The following PKNOX2 variants were observed in gnomAD, a reference collection of about 807,000 sequenced individuals.
PKNOX2 encodes PBX/knotted 1 homeobox 2.
PKNOX2 carries 14 observed loss-of-function variants against 53.1 expected under a neutral mutation model. That is an observed-to-expected ratio of 0.26 (90% CI 0.17 to 0.41). The LOEUF (loss-of-function observed/expected upper bound fraction) is 0.41, where lower values mean the gene tolerates loss of function less well. Ranked by LOEUF, PKNOX2 falls within the 10% of genes least tolerant of loss-of-function variation. The pLI is 1.00. For missense variants in PKNOX2, 496 were observed against 602.8 expected (o/e 0.82, Z 1.85); for synonymous variants, 257 against 242.8 (o/e 1.06, Z -0.54).
chr11:125,328,472 T>C (rs903103734), intron 2 of PKNOX2, among the ~76,000 whole-genome samples: 2 of 151,934 alleles, frequency 1.3e-5, no homozygotes, highest in African/African-American at 2.4e-5. Context: ...AGATTCTTAA[T>C]ATATGGGGAC....
At chr11:125,317,779 G>C (rs1949290597) in intron 2 of PKNOX2, among the ~76,000 whole-genome samples, 1 of 152,142 alleles carries the variant, frequency 6.6e-6, no homozygotes, top group African/African-American at 2.4e-5. Flanking sequence ...ATGAGCCCTG[G>C]CTTCAACCTA....
At chr11:125,292,025 G>A (rs1947337685) in intron 2 of PKNOX2, among the ~76,000 whole-genome samples, 1 of 152,138 alleles carries the variant, frequency 6.6e-6, no homozygotes, top group African/African-American at 2.4e-5. Context: ...TATAACTATG[G>A]CACTGAATTG....
intron 10 of PKNOX2, 35 bp downstream of exon 10, chr11:125,411,900 G>T: frequency 6.2e-7 from 1 of 1,613,106 alleles, no homozygotes; most frequent in Admixed American, 1.7e-5. Context: ...TGGAGTCCCG[G>T]CATGGGGTAT....
intron 1 of PKNOX2, among the ~76,000 whole-genome samples, chr11:125,208,717 G>T (rs995188260): frequency 2.0e-5 from 3 of 152,018 alleles, no homozygotes; most frequent in Non-Finnish European, 4.4e-5. Flanking sequence ...ATGGTCATGA[G>T]GGATAAATCA....
intron 1 of PKNOX2, among the ~76,000 whole-genome samples, chr11:125,198,988 C>T (rs1424693772): frequency 1.3e-5 from 2 of 151,878 alleles, no homozygotes. Flanking sequence ...TTACAGATAC[C>T]CACTACTATG....
At chr11:125,281,748 T>G (rs957885509) in intron 2 of PKNOX2, among the ~76,000 whole-genome samples, 3 of 152,184 alleles carry the variant, frequency 2.0e-5, no homozygotes, top group Non-Finnish European at 4.4e-5. Context: ...CCACAGAGCT[T>G]AAAGAAGGAA....
intron 10 of PKNOX2, among the ~76,000 whole-genome samples, chr11:125,427,172 G>A (rs554267449): frequency 7.2e-5 from 11 of 152,354 alleles, no homozygotes; most frequent in Admixed American, 2.0e-4. Flanking sequence ...AGGTGTCAGA[G>A]CTCCCAGAGT....
chr11:125,296,589 C>G (rs1406527163), intron 2 of PKNOX2, among the ~76,000 whole-genome samples: 1 of 152,180 alleles, frequency 6.6e-6, no homozygotes, highest in Non-Finnish European at 1.5e-5. Context: ...TTATTTTTCT[C>G]CATGCGTCTC....
intron 6 of PKNOX2, among the ~76,000 whole-genome samples, chr11:125,388,973 T>C (rs2135401368): frequency 6.6e-6 from 1 of 152,250 alleles, no homozygotes; most frequent in East Asian, 1.9e-4. Context: ...GGCGGGCAGA[T>C]CACATGAGGC....
intron 7 of PKNOX2, among the ~76,000 whole-genome samples, chr11:125,404,147 T>C (rs1181699469): frequency 1.3e-5 from 2 of 152,146 alleles, no homozygotes; most frequent in Admixed American, 6.5e-5. Context: ...GAAAGATCAC[T>C]ACTTAGATGG....
At chr11:125,204,486 C>T (rs2135416760) in intron 1 of PKNOX2, among the ~76,000 whole-genome samples, 1 of 152,256 alleles carries the variant, frequency 6.6e-6, no homozygotes, top group South Asian at 2.1e-4. Context: ...AGTAAAAAGT[C>T]ATCGATGGCC....
intron 1 of PKNOX2, among the ~76,000 whole-genome samples, chr11:125,216,439 G>A (rs1487316929): frequency 6.6e-6 from 1 of 152,218 alleles, no homozygotes; most frequent in Non-Finnish European, 1.5e-5. Context: ...CCTGGTAGGG[G>A]GGTGAGTCCC....
intron 2 of PKNOX2, among the ~76,000 whole-genome samples, chr11:125,243,623 CTTT>C (rs1284507032): frequency 1.3e-4 from 18 of 138,372 alleles, no homozygotes; most frequent in African/African-American, 1.3e-4. Flanking sequence ...CTGGGACTTT[CTTT>C]TTTTTTTTTT....
At chr11:125,219,573 C>G (rs1250703702) in intron 1 of PKNOX2, among the ~76,000 whole-genome samples, 1 of 152,022 alleles carries the variant, frequency 6.6e-6, no homozygotes, top group Non-Finnish European at 1.5e-5. Flanking sequence ...AAAAACACAA[C>G]CCAGTAGAAA....
intron 2 of PKNOX2, among the ~76,000 whole-genome samples, chr11:125,277,313 A>G (rs1946237192): frequency 6.6e-6 from 1 of 152,258 alleles, no homozygotes; most frequent in Admixed American, 6.5e-5. Context: ...AGAGTATCAG[A>G]CAGGTCATCT....
chr11:125,237,064 C>T (rs1027603283), intron 2 of PKNOX2, among the ~76,000 whole-genome samples: 3 of 152,226 alleles, frequency 2.0e-5, no homozygotes, highest in Non-Finnish European at 2.9e-5. Context: ...GGGGGCAGCT[C>T]AAAAGCTGGT....
intron 7 of PKNOX2, among the ~76,000 whole-genome samples, chr11:125,407,416 G>GTATT (rs1555171915): frequency 6.6e-6 from 1 of 152,188 alleles, no homozygotes; most frequent in Non-Finnish European, 1.5e-5. Context: ...GACTTTGCTT[G>GTATT]TATTTTTCTA....
intron 5 of PKNOX2, among the ~76,000 whole-genome samples, chr11:125,373,051 G>A (rs887383440): frequency 1.3e-5 from 2 of 152,202 alleles, no homozygotes; most frequent in Non-Finnish European, 1.5e-5. Context: ...TAAAGGTCAC[G>A]GAAGTTCCCG....
chr11:125,423,762 G>A (rs1956280477), intron 10 of PKNOX2, among the ~76,000 whole-genome samples: 1 of 152,200 alleles, frequency 6.6e-6, no homozygotes. Context: ...GGGCATCTGA[G>A]AGGGCTTCAC....
Sources: allele counts gnomAD v4.1 joint callset (sites outside exome capture counted in the v4.1 genomes callset), GRCh38; gene constraint gnomAD v4.1.1; transcripts MANE v1.5; gene names NCBI Gene and HGNC (gene_info 2026-07-23, HGNC 2026-07-21).